ZPBP: variants seen among roughly 807,000 people sequenced by gnomAD.
ZPBP encodes the protein zona pellucida binding protein, also known as zona pellucida-binding protein 1.
A neutral mutation model predicts 44.8 loss-of-function variants in ZPBP; 26 were observed. The observed-to-expected ratio is 0.58, with a 90% CI of 0.43 to 0.81. ZPBP has a LOEUF of 0.81. Among genes scored for constraint, ZPBP ranks in the 30% least tolerant of loss-of-function variants. The pLI, the probability that ZPBP is intolerant of heterozygous loss-of-function variation, is 0.00. For synonymous variants in ZPBP, 174 were observed against 153.2 expected (o/e 1.14, Z -1.00); for missense variants, 409 against 434.0 (o/e 0.94, Z 0.51).
At chr7:49,855,049 G>A (rs909116658) in intron 2 of ZPBP, among the ~76,000 whole-genome samples, 4 of 152,108 alleles carry the variant, frequency 2.6e-5, no homozygotes, top group Non-Finnish European at 2.9e-5. Context: ...AGGAGTTCTC[G>A]GCTTCTATAT....
chr7:50,030,730 G>A (rs1799569781), intron 5 of ZPBP, among the ~76,000 whole-genome samples: 1 of 151,996 alleles, frequency 6.6e-6, no homozygotes, highest in Non-Finnish European at 1.5e-5. Flanking sequence ...ACATTATTAA[G>A]AAAAGCATAC....
chr7:49,999,285 A>C (rs202185998), intron 6 of ZPBP, among the ~76,000 whole-genome samples: 4 of 146,792 alleles, frequency 2.7e-5, no homozygotes, highest in African/African-American at 1.0e-4. Context: ...TATATATACT[A>C]TATATATCAT....
intron 7 of ZPBP, among the ~76,000 whole-genome samples, chr7:49,975,122 T>C (rs1796449841): frequency 6.6e-6 from 1 of 152,176 alleles, no homozygotes. Context: ...GCTACAGTTC[T>C]GTGAAAGTGG....
intron 3 of ZPBP, among the ~76,000 whole-genome samples, chr7:50,062,444 C>CTAA (rs1362279349): frequency 2.0e-5 from 3 of 152,112 alleles, no homozygotes; most frequent in Non-Finnish European, 4.4e-5. Context: ...GCTATAGTAA[C>CTAA]TAAAAGAGCA....
chr7:50,090,285 G>A (rs1802884910), intron 1 of ZPBP, among the ~76,000 whole-genome samples: 1 of 151,048 alleles, frequency 6.6e-6, no homozygotes, highest in African/African-American at 2.4e-5. Flanking sequence ...AAAGACCATT[G>A]TATCATTCTC....
chr7:49,862,099 C>T (rs928766137), intron 2 of ZPBP, among the ~76,000 whole-genome samples: 2 of 152,138 alleles, frequency 1.3e-5, no homozygotes, highest in Non-Finnish European at 2.9e-5. Flanking sequence ...ATTAAGTCTT[C>T]CAAGCCATGA....
intron 2 of ZPBP, among the ~76,000 whole-genome samples, chr7:49,865,103 T>A (rs1790824162): frequency 6.6e-6 from 1 of 152,252 alleles, no homozygotes; most frequent in Admixed American, 6.5e-5. Flanking sequence ...GTTTTCTTGC[T>A]GAAATTTGCC....
intron 5 of ZPBP, among the ~76,000 whole-genome samples, chr7:50,027,865 T>C (rs931249618): frequency 4.6e-5 from 7 of 151,920 alleles, no homozygotes; most frequent in African/African-American, 1.4e-4. Flanking sequence ...GACTCAAGAA[T>C]AAACAGAAAA....
At chr7:49,987,043 G>A (rs1477194375) in intron 6 of ZPBP, among the ~76,000 whole-genome samples, 3 of 152,134 alleles carry the variant, frequency 2.0e-5, no homozygotes, top group South Asian at 2.1e-4. Flanking sequence ...TCTTGGCTTA[G>A]GGAGTGAGTC....
At position 49,857,009 on chromosome 7, in the gene ZPBP, C is replaced by CAAA. The variant is rs59910243; in HGVS notation, n.510-6498_510-6496dup. Among the ~76,000 whole-genome samples the CAAA allele has an allele frequency of 5.9e-3, 313 of 52,802 alleles. 1 individual carries two copies. Among genetic ancestry groups the CAAA allele is most frequent in the Non-Finnish European group, 6.9e-3 (219 of 31,764 alleles). The allele number at this position is 52,802 out of a possible 152,430, so 34.6% of individuals were successfully genotyped here. On this transcript the variant is annotated intron_variant and non_coding_transcript_variant, in intron 2 of 2. Coordinates refer to the ZPBP transcript ENST00000465922. ...TGGGTGACAGAGCCAGATACTGTCT[C>CAAA]AAAAAAAAAAAAAAAAAAAAAAAAA...
chr7:49,851,656 G>A (rs1245123030), intron 2 of ZPBP, among the ~76,000 whole-genome samples: 2 of 152,108 alleles, frequency 1.3e-5, no homozygotes, highest in African/African-American at 4.8e-5. Context: ...TCAGGAGATC[G>A]AGACCACCCT....
At chr7:49,872,738 T>C (rs1791214699) in intron 2 of ZPBP, among the ~76,000 whole-genome samples, 1 of 124,360 alleles carries the variant, frequency 8.0e-6, no homozygotes, top group Non-Finnish European at 1.7e-5. Flanking sequence ...AAACCCCGTC[T>C]CTACAAAAAA....
chr7:49,851,839 G>C (rs961455262), intron 2 of ZPBP, among the ~76,000 whole-genome samples: 2 of 151,404 alleles, frequency 1.3e-5, no homozygotes, highest in East Asian at 3.9e-4. Flanking sequence ...CTGGGAGACA[G>C]AGCAAGACTC....
At chr7:49,913,464 A>T (rs1037621535) in intron 1 of ZPBP, 1 of 152,246 alleles carries the variant, frequency 6.6e-6, no homozygotes. Flanking sequence ...GTAGGATAAA[A>T]AAAGCAAAAC....
intron 2 of ZPBP, among the ~76,000 whole-genome samples, chr7:49,880,617 G>A (rs942794052): frequency 1.3e-5 from 2 of 150,552 alleles, no homozygotes; most frequent in Non-Finnish European, 1.5e-5. Flanking sequence ...TATACTTTAA[G>A]TTCTAGGGTA....
At chr7:49,907,857 G>C (rs2128940) in intron 1 of ZPBP, among the ~76,000 whole-genome samples, 1 of 152,088 alleles carries the variant, frequency 6.6e-6, no homozygotes, top group Non-Finnish European at 1.5e-5. Flanking sequence ...TTAAGATAAG[G>C]GGTTGTGGAG....
intron 7 of ZPBP, among the ~76,000 whole-genome samples, chr7:49,956,357 G>A (rs1250593685): frequency 3.3e-5 from 5 of 151,908 alleles, no homozygotes; most frequent in Non-Finnish European, 7.4e-5. Flanking sequence ...AGGAAAAAAT[G>A]GAAATTTCTA....
chr7:49,970,459 G>A (rs1796251402), intron 7 of ZPBP, among the ~76,000 whole-genome samples: 2 of 117,248 alleles, frequency 1.7e-5, no homozygotes, highest in Non-Finnish European at 1.7e-5. Flanking sequence ...CACAACAGCT[G>A]AATATACTTT....
intron 5 of ZPBP, among the ~76,000 whole-genome samples, chr7:50,027,006 C>T (rs560908422): frequency 6.7e-4 from 102 of 152,042 alleles, no homozygotes; most frequent in Non-Finnish European, 1.3e-3. Context: ...AATGCTAAAA[C>T]CCCACCCCAA....
Sources: allele counts gnomAD v4.1 joint callset (sites outside exome capture counted in the v4.1 genomes callset), GRCh38; gene constraint gnomAD v4.1.1; transcripts MANE v1.5; gene names NCBI Gene and HGNC (gene_info 2026-07-23, HGNC 2026-07-21).